Variants in GRIA1 observed in about 807,000 individuals in gnomAD.
The protein encoded by GRIA1 is glutamate ionotropic receptor AMPA type subunit 1.
GRIA1 carries 31 observed loss-of-function variants against 99.2 expected under a neutral mutation model. The ratio of observed to expected loss-of-function variants is 0.31; its 90% CI spans 0.23 to 0.42. The LOEUF is 0.42. GRIA1 is among the 10% of genes least tolerant of loss of function. The probability of loss-of-function intolerance (pLI) is 1.00; values close to 1 mark genes in which losing one functional copy is unlikely to be tolerated. For missense variants in GRIA1, 782 were observed against 1,157.5 expected (o/e 0.68, Z 4.71); for synonymous variants, 438 against 432.4 (o/e 1.01, Z -0.16).
intron 11 of GRIA1, among the ~76,000 whole-genome samples, chr5:153,760,398 T>C (rs1763101720): frequency 6.6e-6 from 1 of 151,940 alleles, no homozygotes; most frequent in Non-Finnish European, 1.5e-5. Context: ...GAAAAATACC[T>C]GAAAAAGAAA....
intron 2 of GRIA1, among the ~76,000 whole-genome samples, chr5:153,537,060 G>A (rs1417040488): frequency 6.6e-6 from 1 of 152,148 alleles, no homozygotes; most frequent in Non-Finnish European, 1.5e-5. Context: ...CTAGTTGGTG[G>A]CCAGGGAACC....
At chr5:153,753,931 C>T (rs973861018) in intron 11 of GRIA1, among the ~76,000 whole-genome samples, 1 of 152,182 alleles carries the variant, frequency 6.6e-6, no homozygotes, top group Non-Finnish European at 1.5e-5. Flanking sequence ...AGTGCTTTCC[C>T]CTGTACCAGT....
chr5:153,535,661 A>G (rs1485340226), intron 2 of GRIA1, among the ~76,000 whole-genome samples: 1 of 152,234 alleles, frequency 6.6e-6, no homozygotes, highest in Non-Finnish European at 1.5e-5. Context: ...CTAACATAAA[A>G]TAGTGTCTAT....
At chr5:153,695,556 AC>A (rs1360852949) in intron 8 of GRIA1, among the ~76,000 whole-genome samples, 1 of 152,216 alleles carries the variant, frequency 6.6e-6, no homozygotes, top group Non-Finnish European at 1.5e-5. Flanking sequence ...GGGAACTGAG[AC>A]CACACTGTCT....
intron 11 of GRIA1, among the ~76,000 whole-genome samples, chr5:153,758,186 A>G (rs893857600): frequency 6.6e-6 from 1 of 152,072 alleles, no homozygotes; most frequent in African/African-American, 2.4e-5. Flanking sequence ...ATGTAACAAA[A>G]TGGCAGTGGT....
chr5:153,723,961 CT>C (rs888099066), intron 11 of GRIA1, among the ~76,000 whole-genome samples: 3 of 152,242 alleles, frequency 2.0e-5, no homozygotes, highest in Non-Finnish European at 2.9e-5. Flanking sequence ...TCCCTAACCC[CT>C]GACCCCCAAG....
At chr5:153,734,646 A>C (rs967454379) in intron 11 of GRIA1, among the ~76,000 whole-genome samples, 2 of 152,200 alleles carry the variant, frequency 1.3e-5, no homozygotes, top group South Asian at 2.1e-4. Flanking sequence ...TGTGATTTGC[A>C]CTATGTCAAG....
intron 2 of GRIA1, among the ~76,000 whole-genome samples, chr5:153,572,210 A>C (rs981859139): frequency 6.6e-6 from 1 of 152,154 alleles, no homozygotes; most frequent in African/African-American, 2.4e-5. Context: ...ATTGTCAACT[A>C]AGCAGCATGT....
upstream of GRIA1, chr5:153,490,474 A>AG (rs1468477265): frequency 4.4e-5 from 10 of 229,640 alleles, no homozygotes; most frequent in Middle Eastern, 1.7e-3. Context: ...AAGGGGGAAC[A>AG]GGTAGGGAGG....
chr5:153,804,961 G>A (rs188076396), intron 15 of GRIA1, among the ~76,000 whole-genome samples: 2 of 151,650 alleles, frequency 1.3e-5, no homozygotes, highest in East Asian at 2.0e-4. Context: ...CATGTTGACC[G>A]GGCTGGTCTC....
chr5:153,742,242 TAAG>T (rs1244356026), intron 11 of GRIA1, among the ~76,000 whole-genome samples: 2 of 152,098 alleles, frequency 1.3e-5, no homozygotes, highest in South Asian at 2.1e-4. Flanking sequence ...GGAAGCAAGA[TAAG>T]AAGAAGGTAG....
intron 1 of GRIA1, chr5:153,492,327 T>C: frequency 6.6e-7 from 1 of 1,522,854 alleles, no homozygotes; most frequent in South Asian, 1.2e-5. Context: ...ATCTGTGTGT[T>C]AGTGCCTAAC....
intron 11 of GRIA1, among the ~76,000 whole-genome samples, chr5:153,761,024 C>G (rs1763150073): frequency 6.6e-6 from 1 of 152,028 alleles, no homozygotes; most frequent in African/African-American, 2.4e-5. Context: ...ACCAAAATCA[C>G]CTCAAAATGG....
chr5:153,661,682 G>A (rs1480964580), intron 5 of GRIA1, among the ~76,000 whole-genome samples: 5 of 152,268 alleles, frequency 3.3e-5, no homozygotes, highest in African/African-American at 9.6e-5. Flanking sequence ...ATGAATGAAT[G>A]AATGAATAAA....
At chr5:153,605,889 T>C (rs1254368571) in intron 2 of GRIA1, among the ~76,000 whole-genome samples, 2 of 152,180 alleles carry the variant, frequency 1.3e-5, no homozygotes, top group African/African-American at 2.4e-5. Context: ...TTCCTTTCCA[T>C]AGCTTGCATT....
chr5:153,809,658 C>T (rs1766676830), intron 15 of GRIA1, among the ~76,000 whole-genome samples: 1 of 152,204 alleles, frequency 6.6e-6, no homozygotes, highest in African/African-American at 2.4e-5. Context: ...TCAAAAGCAT[C>T]ATTATGCATC....
At chr5:153,523,016 A>ATCTCTCTCTCTCTCTCTC (rs61177262) in intron 2 of GRIA1, among the ~76,000 whole-genome samples, 35 of 141,658 alleles carry the variant, frequency 2.5e-4, no homozygotes, top group Non-Finnish European at 3.5e-4. Flanking sequence ...TGTTCCTGAT[A>ATCTCTCTCTCTCTCTCTC]TCTCTCTCTC....
chr5:153,671,091 G>A (rs1012872701), intron 5 of GRIA1, among the ~76,000 whole-genome samples: 6 of 152,060 alleles, frequency 3.9e-5, no homozygotes, highest in African/African-American at 1.4e-4. Context: ...TTCTTAGGAG[G>A]GGATGGGGGT....
chr5:153,723,737 C>T (rs6876451), intron 11 of GRIA1, among the ~76,000 whole-genome samples: 77,559 of 149,656 alleles, frequency 0.52, 20,984 homozygotes, highest in East Asian at 0.94. Context: ...ACAAAGCAGC[C>T]AGGAAGCTCG....
Sources: gnomAD v4.1 joint callset for allele counts (sites outside exome capture counted in the v4.1 genomes callset) on GRCh38, gnomAD v4.1.1 for gene constraint, MANE v1.5 for transcripts, NCBI Gene and HGNC (gene_info 2026-07-23, HGNC 2026-07-21) for gene names.